The following AGBL4 variants were observed in gnomAD, a reference collection of about 807,000 sequenced individuals.
The protein encoded by AGBL4 is AGBL carboxypeptidase 4, also known as cytosolic carboxypeptidase 6.
AGBL4 carries 58 observed loss-of-function variants against 66.4 expected under a neutral mutation model. The observed-to-expected ratio is 0.87, with a 90% CI of 0.71 to 1.09. The LOEUF is 1.09. Ranked by LOEUF, AGBL4 falls within the 50% of genes least tolerant of loss-of-function variation. The probability of loss-of-function intolerance (pLI) is 0.00; values close to 1 mark genes in which losing one functional copy is unlikely to be tolerated. For synonymous variants in AGBL4, 234 were observed against 222.9 expected (o/e 1.05, Z -0.44); for missense variants, 579 against 631.0 (o/e 0.92, Z 0.88).
intron 6 of AGBL4, among the ~76,000 whole-genome samples, chr1:48,774,488 C>G (rs918899076): frequency 6.6e-6 from 1 of 152,120 alleles, no homozygotes; most frequent in African/African-American, 2.4e-5. Flanking sequence ...TTTCCCCTTT[C>G]TCCTCCCAAG....
chr1:48,618,186 TAGTGGGACCTTG>T (rs1310242190), intron 9 of AGBL4, among the ~76,000 whole-genome samples: 12 of 152,206 alleles, frequency 7.9e-5, no homozygotes, highest in African/African-American at 2.9e-4. Context: ...CCAGGCAAGA[TAGTGGGACCTTG>T]TCTCTTAAAA....
chr1:48,761,499 C>T, intron 6 of AGBL4: 1 of 1,543,120 alleles, frequency 6.5e-7, no homozygotes, highest in Non-Finnish European at 8.7e-7. Flanking sequence ...GAACAAGGTT[C>T]ATCATGAGTT....
Position 49,461,625 on chromosome 1 carries a change from C to G in AGBL4, c.283-215761G>C, listed in dbSNP as rs557619212. Among the ~76,000 whole-genome samples, 11 of 148,064 alleles carry G rather than the reference C, an allele frequency of 7.4e-5. No individual in the cohort carries two copies. In the South Asian group the frequency reaches 1.8e-3, roughly 24 times the overall value. ...TAATGCTATCCCTCCCCCAGCCCCC[C>G]ACCCTACCAACAGGCCCCAGTGTGT... On this transcript the variant is annotated intron_variant, in intron 3 of 13. Coordinates refer to ENST00000371839, the MANE Select transcript of AGBL4 (RefSeq NM_032785.4).
At chr1:49,020,390 C>T (rs946837138) in intron 5 of AGBL4, among the ~76,000 whole-genome samples, 1 of 152,296 alleles carries the variant, frequency 6.6e-6, no homozygotes, top group East Asian at 1.9e-4. Flanking sequence ...CCTGTGGTAC[C>T]CTTGACAGGT....
intron 3 of AGBL4, among the ~76,000 whole-genome samples, chr1:49,404,550 A>G (rs539334471): frequency 3.5e-4 from 54 of 152,328 alleles, no homozygotes; most frequent in South Asian, 1.2e-3. Flanking sequence ...GTGATTATCT[A>G]TTTATTCCTA....
intron 6 of AGBL4, among the ~76,000 whole-genome samples, chr1:48,839,961 G>A (rs764468502): frequency 2.0e-5 from 3 of 152,046 alleles, no homozygotes; most frequent in Admixed American, 6.6e-5. Flanking sequence ...CTTGACAATT[G>A]CTCTCTGGTC....
intron 3 of AGBL4, among the ~76,000 whole-genome samples, chr1:49,313,169 C>G (rs1174103842): frequency 6.6e-6 from 1 of 152,026 alleles, no homozygotes; most frequent in African/African-American, 2.4e-5. Context: ...ATGATGGTTT[C>G]CAGCTTCATC....
intron 3 of AGBL4, among the ~76,000 whole-genome samples, chr1:49,377,443 AAGATTCAAATCTAT>A (rs890697769): frequency 7.2e-5 from 11 of 152,132 alleles, no homozygotes; most frequent in Non-Finnish European, 1.3e-4. Context: ...TGGCAAAGCA[AAGATTCAAATCTAT>A]GACTGTCTGG....
intron 5 of AGBL4, among the ~76,000 whole-genome samples, chr1:48,922,477 C>G (rs1419927033): frequency 1.3e-5 from 2 of 152,186 alleles, no homozygotes; most frequent in African/African-American, 4.8e-5. Context: ...GAACACCCCT[C>G]TACTTCTCCC....
intron 3 of AGBL4, among the ~76,000 whole-genome samples, chr1:49,476,805 ACCTGC>A (rs954042806): frequency 5.3e-5 from 8 of 151,952 alleles, no homozygotes; most frequent in Admixed American, 2.0e-4. Context: ...GCATTTCTGG[ACCTGC>A]CCTGGGCCTG....
intron 1 of AGBL4, among the ~76,000 whole-genome samples, chr1:49,937,640 C>G (rs1298599861): frequency 6.6e-6 from 1 of 152,098 alleles, no homozygotes; most frequent in African/African-American, 2.4e-5. Flanking sequence ...AACAAACTGT[C>G]CCTCAGACCA....
intron 6 of AGBL4, among the ~76,000 whole-genome samples, chr1:48,712,982 C>T (rs374165844): frequency 5.9e-5 from 9 of 152,252 alleles, no homozygotes; most frequent in Admixed American, 3.3e-4. Context: ...GCTTGTCACT[C>T]CCAGGGGTGC....
At position 49,170,940 on chromosome 1, in the gene AGBL4, C is replaced by T. The variant is rs1244315569; in HGVS notation, c.377+74830G>A. On this transcript the variant is annotated intron_variant, in intron 4 of 13. Transcript: ENST00000371839. ...AATAACAGAAGCATTCTAATAGCAC[C>T]GAAGCAGATATGGCAAGGGCTCTTA... Among the ~76,000 whole-genome samples, 11 of 152,158 alleles carry T rather than the reference C, an allele frequency of 7.2e-5. 1 individual carries two copies. The highest frequency in any genetic ancestry group is 2.0e-4 in the Admixed American group (3 of 15,258).
intron 2 of AGBL4, among the ~76,000 whole-genome samples, chr1:49,762,723 T>G (rs2147865444): frequency 6.6e-6 from 1 of 152,330 alleles, no homozygotes; most frequent in East Asian, 1.9e-4. Flanking sequence ...TGTTGCTCAA[T>G]TTTCTTATCC....
chr1:49,044,713 AAG>A (rs1171415370), intron 5 of AGBL4, among the ~76,000 whole-genome samples: 2 of 152,172 alleles, frequency 1.3e-5, no homozygotes, highest in African/African-American at 4.8e-5. Context: ...TTATAAGTGA[AAG>A]AGAGCTCATA....
At chr1:48,664,954 A>T (rs1646162585) in intron 6 of AGBL4, among the ~76,000 whole-genome samples, 2 of 152,250 alleles carry the variant, frequency 1.3e-5, no homozygotes, top group Non-Finnish European at 2.9e-5. Flanking sequence ...GAAATAATTA[A>T]TAGGATTTCT....
At chr1:49,078,953 TA>T (rs761591146) in intron 4 of AGBL4, among the ~76,000 whole-genome samples, 6 of 151,970 alleles carry the variant, frequency 3.9e-5, no homozygotes, top group Non-Finnish European at 5.9e-5. Flanking sequence ...TTCCAAGTTC[TA>T]CCTCTCATCC....
At chr1:49,959,641 T>G (rs1656957031) in intron 1 of AGBL4, among the ~76,000 whole-genome samples, 1 of 152,016 alleles carries the variant, frequency 6.6e-6, no homozygotes. Context: ...CTCGAAGAAC[T>G]TAAAACAACT....
intron 5 of AGBL4, among the ~76,000 whole-genome samples, chr1:48,994,426 G>A (rs1306366413): frequency 1.3e-5 from 2 of 152,094 alleles, no homozygotes; most frequent in Admixed American, 6.6e-5. Flanking sequence ...ATAGGTATAT[G>A]CTATGACTAT....
Sources: gnomAD v4.1 joint callset for allele counts (sites outside exome capture counted in the v4.1 genomes callset) on GRCh38, gnomAD v4.1.1 for gene constraint, MANE v1.5 for transcripts, NCBI Gene and HGNC (gene_info 2026-07-23, HGNC 2026-07-21) for gene names.